SLC23A2: variants seen among roughly 807,000 people sequenced by gnomAD.
SLC23A2 encodes Na(+)/L-ascorbic acid transporter 2.
In SLC23A2, 36 loss-of-function variants were observed where a neutral mutation model predicts 73.3. That is an observed-to-expected ratio of 0.49 (90% CI 0.38 to 0.65). The LOEUF (loss-of-function observed/expected upper bound fraction) is 0.65. Among genes scored for constraint, SLC23A2 ranks in the 30% least tolerant of loss-of-function variants. The pLI is 0.00. For missense variants in SLC23A2, 507 were observed against 841.6 expected (o/e 0.60, Z 4.92); for synonymous variants, 343 against 327.3 (o/e 1.05, Z -0.52).
intron 2 of SLC23A2, among the ~76,000 whole-genome samples, chr20:4,970,448 ACTAG>A (rs1480428921): frequency 3.9e-5 from 6 of 152,218 alleles, no homozygotes; most frequent in Non-Finnish European, 8.8e-5. Flanking sequence ...ATGAAGCATA[ACTAG>A]CCAGGCATGG....
At chr20:4,974,454 C>T (rs1182378177) in intron 1 of SLC23A2, among the ~76,000 whole-genome samples, 3 of 151,500 alleles carry the variant, frequency 2.0e-5, no homozygotes, top group Admixed American at 6.6e-5. Flanking sequence ...GCAAGAAGAG[C>T]GAAACTCCGT....
upstream of SLC23A2, among the ~76,000 whole-genome samples, chr20:5,002,244 G>C (rs1339918926): frequency 6.6e-6 from 1 of 152,160 alleles, no homozygotes; most frequent in Non-Finnish European, 1.5e-5. Flanking sequence ...TTAAGATGCA[G>C]ATGGCTGGGC....
chr20:4,872,063 A>G lies in SLC23A2; in HGVS notation c.1102+1873T>C, dbSNP rs1324579003. Among the ~76,000 whole-genome samples, 3 of 151,734 alleles carry G rather than the reference A, an allele frequency of 2.0e-5. No homozygotes were observed. The highest frequency in any genetic ancestry group is 4.4e-5 in the Non-Finnish European group (3 of 67,974). On this transcript the variant is annotated intron_variant, in intron 11 of 16. Coordinates refer to ENST00000338244, the MANE Select transcript of SLC23A2 (RefSeq NM_005116.6). The surrounding 1 kb of genome is among the most constrained non-coding windows in gnomAD (Gnocchi z 4.4). ...TTCTCTCTTGAATCTGTTATTTCATATCTCCTTTTACCAAGAAACTTTCAT... is the reference window on the plus strand; with the variant it reads ...TTCTCTCTTGAATCTGTTATTTCATGTCTCCTTTTACCAAGAAACTTTCAT...
At chr20:4,985,546 C>T (rs2087810633) in intron 1 of SLC23A2, among the ~76,000 whole-genome samples, 2 of 151,692 alleles carry the variant, frequency 1.3e-5, no homozygotes, top group Non-Finnish European at 2.9e-5. Context: ...CACTCGGGTT[C>T]AAGCAATACC....
chr20:4,972,991 C>T (rs1568650224), intron 1 of SLC23A2, among the ~76,000 whole-genome samples: 1 of 152,080 alleles, frequency 6.6e-6, no homozygotes, highest in East Asian at 1.9e-4. Context: ...GAAAAGAAAA[C>T]AAGAGAGACA....
intron 1 of SLC23A2, among the ~76,000 whole-genome samples, chr20:4,987,996 TAAA>T (rs201715841): frequency 7.9e-5 from 11 of 139,392 alleles, no homozygotes; most frequent in African/African-American, 8.0e-5. Flanking sequence ...CACGATGCAT[TAAA>T]AAAAAAAAAA....
rs1319566412 is a variant in SLC23A2 at position 4,998,693 on chromosome 20, T to G, written c.-282+2713A>C. ...GGCCAGGAAACGGTTCAGGAAGGAC[T>G]GTAAGATGTTTAAATTTAAAAAGCC... On this transcript the variant is annotated intron_variant, in intron 1 of 16. Transcript: ENST00000338244. The surrounding 1 kb of genome is among the most constrained non-coding windows in gnomAD (Gnocchi z 4.1). Among the ~76,000 whole-genome samples the G allele has an allele frequency of 6.6e-6, 1 of 152,212 alleles. No individual in the cohort carries two copies. Among genetic ancestry groups the G allele is most frequent in the East Asian group, 1.9e-4 (1 of 5,202 alleles).
At chr20:4,858,326 T>G (rs1017389040) in intron 16 of SLC23A2, among the ~76,000 whole-genome samples, 1 of 152,234 alleles carries the variant, frequency 6.6e-6, no homozygotes, top group Non-Finnish European at 1.5e-5. Flanking sequence ...TTTTTATATC[T>G]AAGCTCTGCT....
intron 2 of SLC23A2, among the ~76,000 whole-genome samples, chr20:4,957,181 A>C (rs1227789608): frequency 6.6e-6 from 1 of 152,126 alleles, no homozygotes; most frequent in East Asian, 1.9e-4. Context: ...GAAGCCAAGC[A>C]TAGTGGCTTA....
At position 5,009,520 on chromosome 20, in the gene SLC23A2, T is replaced by C. The variant is rs187520232; in HGVS notation, c.-282+662A>G. Among the ~76,000 whole-genome samples, 167 of 152,336 alleles carry C rather than the reference T, an allele frequency of 1.1e-3. 1 individual carries two copies. The highest frequency in any genetic ancestry group is 6.8e-3 in the Middle Eastern group (2 of 294). On this transcript the variant is annotated intron_variant, in intron 1 of 16. Coordinates refer to the SLC23A2 transcript ENST00000379333. ...GTTTCTCTCCCTCACTAATTGTCAG[T>C]GCATCCAGGGCAGAGGTCTTGGTTT...
At chr20:4,915,249 C>T (rs1932283627) in intron 3 of SLC23A2, among the ~76,000 whole-genome samples, 1 of 152,086 alleles carries the variant, frequency 6.6e-6, no homozygotes, top group Admixed American at 6.5e-5. Context: ...CAATAGCAGA[C>T]ACCTTTCATC....
intron 16 of SLC23A2, among the ~76,000 whole-genome samples, chr20:4,858,730 G>C (rs901449661): frequency 1.3e-5 from 2 of 152,154 alleles, no homozygotes; most frequent in African/African-American, 4.8e-5. Flanking sequence ...GCTCAGCACA[G>C]AATGTATCCA....
intron 13 of SLC23A2, 76 bp downstream of exon 13, chr20:4,867,681 GCCCATTTGGAACT>G: frequency 2.5e-6 from 1 of 400,310 alleles, no homozygotes; most frequent in Non-Finnish European, 4.6e-6. Flanking sequence ...CCAGAGGCCC[GCCCATTTGGAACT>G]TGCAGTGGCC....
chr20:4,914,236 C>T (rs56358301), intron 3 of SLC23A2, among the ~76,000 whole-genome samples: 6,533 of 151,536 alleles, frequency 0.043, 249 homozygotes, highest in African/African-American at 0.096. Context: ...TAAAACCAAA[C>T]GATCCAATTC....
At chr20:4,994,964 A>G (rs1204678196) in intron 1 of SLC23A2, among the ~76,000 whole-genome samples, 1 of 152,084 alleles carries the variant, frequency 6.6e-6, no homozygotes, top group East Asian at 1.9e-4. Flanking sequence ...AAAGAAAGAA[A>G]GCAATTGTGT....
At chr20:4,864,988 A>G (rs1363410027) in intron 13 of SLC23A2, among the ~76,000 whole-genome samples, 1 of 152,242 alleles carries the variant, frequency 6.6e-6, no homozygotes, top group African/African-American at 2.4e-5. Context: ...CAACTAAGCC[A>G]TTCTTGTGTT....
At chr20:4,930,011 A>G (rs1932769214) in intron 3 of SLC23A2, among the ~76,000 whole-genome samples, 1 of 152,274 alleles carries the variant, frequency 6.6e-6, no homozygotes, top group African/African-American at 2.4e-5. Flanking sequence ...CTAAGAGGGA[A>G]GAAGAAGAAC....
At chr20:4,874,731 C>T (rs1206854328) in intron 9 of SLC23A2, 35 bp from the exon 10 acceptor site, 1 of 1,538,642 alleles carries the variant, frequency 6.5e-7, no homozygotes, top group Non-Finnish European at 8.8e-7. Flanking sequence ...AGGTCAAAAG[C>T]TGTTATGTCT....
intron 4 of SLC23A2, among the ~76,000 whole-genome samples, chr20:4,911,839 AATTT>A (rs139851364): frequency 0.25 from 37,183 of 151,332 alleles, 5,741 homozygotes; most frequent in Non-Finnish European, 0.36. Context: ...TTTATTTATG[AATTT>A]ATTTATTTAT....
Sources: allele counts gnomAD v4.1 joint callset (sites outside exome capture counted in the v4.1 genomes callset), GRCh38; gene constraint gnomAD v4.1.1; non-coding constraint Gnocchi (gnomAD v3.1); transcripts MANE v1.5; gene names NCBI Gene and HGNC (gene_info 2026-07-23, HGNC 2026-07-21).